Variants in ARHGEF12 observed in about 807,000 individuals in gnomAD.
The protein encoded by ARHGEF12 is KMT2A/ARHGEF12 fusion protein.
A neutral mutation model predicts 211.2 loss-of-function variants in ARHGEF12; 66 were observed. The observed-to-expected ratio is 0.31, with a 90% CI of 0.26 to 0.38. ARHGEF12 has a LOEUF of 0.38. Among genes scored for constraint, ARHGEF12 ranks in the 10% least tolerant of loss-of-function variants. The probability of loss-of-function intolerance (pLI) is 1.00; values close to 1 mark genes in which losing one functional copy is unlikely to be tolerated. For missense variants in ARHGEF12, 1,429 were observed against 1,869.5 expected (o/e 0.76, Z 4.34); for synonymous variants, 592 against 638.4 (o/e 0.93, Z 1.09).
chr11:120,418,011 G>A (rs76134630), intron 4 of ARHGEF12, among the ~76,000 whole-genome samples: 4,650 of 152,186 alleles, frequency 0.031, 103 homozygotes, highest in Middle Eastern at 0.092. Flanking sequence ...TTAGTATTTA[G>A]AAGTCTCTAG....
intron 25 of ARHGEF12, 157 bp from the exon 26 acceptor site, chr11:120,459,017 C>G (rs892876999): frequency 1.1e-5 from 7 of 609,922 alleles, no homozygotes; most frequent in Non-Finnish European, 1.7e-5. Flanking sequence ...AGGAAAATTT[C>G]TTGGAATCAG....
chr11:120,481,159 C>G (rs1947222923), intron 38 of ARHGEF12, 101 bp from the exon 39 acceptor site: 1 of 1,073,196 alleles, frequency 9.3e-7, no homozygotes. Flanking sequence ...GCTTTTCCCT[C>G]TCTTAATAAC....
chr11:120,458,157 A>G lies in ARHGEF12; in HGVS notation c.2303A>G (p.Asn768Ser), dbSNP rs1309609721. ...AATGACTTAGAGACAGATCCACCCA[A>G]CTGGCAGCAGCTTGTTAGTCGAGAA... ...FENDLETDPP[N>S]WQQLVSREVL... Residue 768 changes from asparagine to serine, a missense_variant, in exon 25 of 41, where the codon AAC (asparagine) becomes AGC (serine). This residue lies in a region of ARHGEF12 where 373 missense variants were observed against 467.5 expected (regional missense o/e 0.80). Transcript: ENST00000397843. The G allele has an allele frequency of 1.2e-6, 2 of 1,611,764 alleles. No individual in the cohort carries two copies. Among genetic ancestry groups the G allele is most frequent in the South Asian group, 1.1e-5 (1 of 90,256 alleles).
At position 120,429,680 on chromosome 11, in the gene ARHGEF12, T is replaced by G. The variant is rs773139155; in HGVS notation, c.664-32T>G. Reference sequence around the variant, plus strand: ...TTCTGTATCTTTTTTACATAAGTAATTAATTCTGAAAATATTTTTATAACT... The same window carrying G: ...TTCTGTATCTTTTTTACATAAGTAAGTAATTCTGAAAATATTTTTATAACT... On this transcript the variant is annotated intron_variant, in intron 9 of 40. Coordinates refer to ENST00000397843, the MANE Select transcript of ARHGEF12 (RefSeq NM_015313.3). The G allele has an allele frequency of 5.0e-6, 8 of 1,594,584 alleles. No individual in the cohort carries two copies. In the Admixed American group the frequency reaches 5.2e-5, roughly 10 times the overall value.
intron 4 of ARHGEF12, among the ~76,000 whole-genome samples, chr11:120,419,000 GTC>G (rs1439873998): frequency 6.6e-6 from 1 of 150,900 alleles, no homozygotes; most frequent in Non-Finnish European, 1.5e-5. Context: ...TTGTGACAGA[GTC>G]TCGCTCTGTC....
chr11:120,410,447 C>T (rs182772246), intron 4 of ARHGEF12: 5 of 152,102 alleles, frequency 3.3e-5, no homozygotes, highest in African/African-American at 9.6e-5. Flanking sequence ...ATCAGGTCAT[C>T]TTTAATAGAG....
Position 120,480,078 on chromosome 11 carries a change from T to G in ARHGEF12, c.3885T>G (p.Ser1295Arg), listed in dbSNP as rs1268739919. ...RTASQGPQTD[S>R]VIQNSENIKA... is the part of the protein sequence containing the mutation. ...CCTCTCAGGGGCCGCAGACAGACAG[T>G]GTCATCCAGAACTCTGAAAATATTA... is the stretch of plus-strand genomic sequence containing the variant. Residue 1295 changes from serine to arginine, a missense_variant, in exon 38 of 41, where the codon AGT becomes AGG. Ser to Arg is a moderately radical substitution (Grantham distance 110, BLOSUM62 -1). Coordinates refer to ENST00000397843, the MANE Select transcript of ARHGEF12 (RefSeq NM_015313.3). 6.2e-7 allele frequency: 1 copy of G among 1,614,208 alleles called. No homozygotes were observed. The highest frequency in any genetic ancestry group is 1.1e-5 in the South Asian group (1 of 91,084).
intron 19 of ARHGEF12, 73 bp from the exon 20 acceptor site, chr11:120,448,161 A>G (rs1385957416): frequency 1.6e-5 from 18 of 1,153,220 alleles, no homozygotes; most frequent in Non-Finnish European, 2.3e-5. Flanking sequence ...GGTTTTGGAA[A>G]TCATTTGATG....
intron 19 of ARHGEF12, 115 bp downstream of exon 19, chr11:120,448,021 C>G (rs1591604707): frequency 6.7e-6 from 6 of 894,620 alleles, no homozygotes; most frequent in Non-Finnish European, 1.0e-5. Flanking sequence ...AGTTTGTGGT[C>G]TCTCTCTGGT....
chr11:120,468,436 CTTGTT>C (rs561592284), intron 29 of ARHGEF12, among the ~76,000 whole-genome samples: 10 of 151,780 alleles, frequency 6.6e-5, no homozygotes, highest in East Asian at 5.8e-4. Context: ...TACGTTTTGT[CTTGTT>C]TTGTTTTGTT....
chr11:120,398,832 G>GT (rs941342675), intron 1 of ARHGEF12, among the ~76,000 whole-genome samples: 26 of 152,048 alleles, frequency 1.7e-4, no homozygotes, highest in African/African-American at 5.5e-4. Context: ...GTTATGATCC[G>GT]TTTTTTGTTT....
chr11:120,485,153 G>C lies in ARHGEF12; in HGVS notation c.*76G>C, dbSNP rs1947366750. 1.7e-5 allele frequency: 27 copies of C among 1,574,890 alleles called. No individual in the cohort carries two copies. Among genetic ancestry groups the C allele is most frequent in the Non-Finnish European group, 2.1e-5 (24 of 1,146,514 alleles). On this transcript the variant is annotated 3_prime_UTR_variant, in exon 41 of 41. Transcript: ENST00000397843. ...CGTGTCTCACCACATCCTGGCTCCAGTGTGGATGCAGAGAGAGTGTGACAG... is the reference window on the plus strand; with the variant it reads ...CGTGTCTCACCACATCCTGGCTCCACTGTGGATGCAGAGAGAGTGTGACAG...
intron 27 of ARHGEF12, 53 bp from the exon 28 acceptor site, chr11:120,465,184 T>G: frequency 6.2e-7 from 1 of 1,607,074 alleles, no homozygotes; most frequent in Non-Finnish European, 8.5e-7. Context: ...TTGTCTGGCT[T>G]GTATAAGCTC....
intron 15 of ARHGEF12, among the ~76,000 whole-genome samples, chr11:120,445,192 C>T (rs181828083): frequency 3.3e-5 from 5 of 152,142 alleles, no homozygotes; most frequent in Admixed American, 6.5e-5. Flanking sequence ...TCTAGCTAAA[C>T]GACTGTAGAC....
At position 120,484,503 on chromosome 11, in the gene ARHGEF12, C is replaced by T. The variant is rs1947346936; in HGVS notation, c.4620C>T (p.His1540=). 3 of 1,613,854 alleles carry T rather than the reference C, an allele frequency of 1.9e-6. No individual in the cohort carries two copies. In the East Asian group the frequency reaches 6.7e-5, roughly 36 times the overall value. Residue 1540 remains histidine (H), a synonymous_variant, in exon 40 of 41, where the codon CAC becomes CAT. Coordinates refer to ENST00000397843, the MANE Select transcript of ARHGEF12 (RefSeq NM_015313.3). ...RLAGSALTDK[H]SDKS is the part of the protein sequence containing the mutation. ...CTGGATCAGCCCTCACAGACAAGCA[C>T]TCAGGTATGTAAAAGTTATGAGTTC...
rs201575311 is a variant in ARHGEF12 at position 120,477,467 on chromosome 11, A to T, written c.3473A>T (p.Asp1158Val). Reference protein sequence around the residue: ...TPGEGDNDEEDPSKLKEEQHG... With the variant: ...TPGEGDNDEEVPSKLKEEQHG... ...TACAGAGGAGATAATGATGAAGAAG[A>T]TCCTTCAAAATTAAAAGAGGAGCAG... Residue 1158 changes from aspartate to valine, a missense_variant, in exon 36 of 41, where the codon GAT becomes GTT. This residue lies in a region of ARHGEF12 where 467 missense variants were observed against 468.4 expected (regional missense o/e 1.00). Transcript: ENST00000397843. The T allele has an allele frequency of 3.6e-3, 5,775 of 1,604,792 alleles. 52 individuals are homozygous for T. Among genetic ancestry groups the T allele is most frequent in the South Asian group, 0.02 (1,854 of 90,832 alleles).
intron 1 of ARHGEF12, among the ~76,000 whole-genome samples, chr11:120,404,440 T>A (rs1217533314): frequency 6.6e-6 from 1 of 152,128 alleles, no homozygotes; most frequent in Non-Finnish European, 1.5e-5. Flanking sequence ...AGAGAAAAAA[T>A]TATGATTTTA....
intron 1 of ARHGEF12, among the ~76,000 whole-genome samples, chr11:120,383,168 G>A (rs1467399009): frequency 1.3e-5 from 2 of 152,028 alleles, no homozygotes; most frequent in Non-Finnish European, 2.9e-5. Flanking sequence ...TGTCTTTGGG[G>A]GAGAGCCAGG....
At chr11:120,472,933 G>A (rs1020931544) in intron 30 of ARHGEF12, 117 bp from the exon 31 acceptor site, 16 of 828,816 alleles carry the variant, frequency 1.9e-5, no homozygotes, top group South Asian at 1.8e-4. Context: ...GAGATTACAG[G>A]TGTGAGCCAC....
Sources: allele counts gnomAD v4.1 joint callset (sites outside exome capture counted in the v4.1 genomes callset), GRCh38; gene constraint gnomAD v4.1.1; regional missense constraint gnomAD v4.1.1; transcripts MANE v1.5; gene names NCBI Gene and HGNC (gene_info 2026-07-23, HGNC 2026-07-21).